The following ELP4 variants were observed in gnomAD, a reference collection of about 807,000 sequenced individuals.
ELP4 encodes the protein elongator complex protein 4.
In ELP4, 51 loss-of-function variants were observed where a neutral mutation model predicts 48.9. The observed-to-expected ratio is 1.04, with a 90% CI of 0.83 to 1.32. ELP4 has a LOEUF of 1.32. ELP4 is among the 40% of genes most tolerant of loss of function. The pLI is 0.00. For missense variants in ELP4, 519 were observed against 514.6 expected, an observed-to-expected ratio of 1.01 and a Z score of -0.08; for synonymous variants, 210 against 189.2, an observed-to-expected ratio of 1.11 and a Z score of -0.90.
intron 4 of ELP4, among the ~76,000 whole-genome samples, chr11:31,596,653 CA>C (rs1957675664): frequency 6.6e-6 from 1 of 152,118 alleles, no homozygotes; most frequent in South Asian, 2.1e-4. Context: ...GCATATTAAG[CA>C]ATGACATATT....
chr11:31,632,703 T>A, intron 7 of ELP4: 1 of 229,726 alleles, frequency 4.4e-6, no homozygotes, highest in Non-Finnish European at 8.4e-6. Context: ...TTTTCAATAT[T>A]GATGAAGTTT....
intron 2 of ELP4, among the ~76,000 whole-genome samples, chr11:31,530,579 A>G (rs907473335): frequency 6.6e-6 from 1 of 152,162 alleles, no homozygotes; most frequent in Non-Finnish European, 1.5e-5. Flanking sequence ...GTCTTGGTGG[A>G]GTGATGATAC....
intron 3 of ELP4, among the ~76,000 whole-genome samples, chr11:31,556,259 A>G (rs1956928355): frequency 6.6e-6 from 1 of 152,052 alleles, no homozygotes; most frequent in African/African-American, 2.4e-5. Flanking sequence ...TGATGTTATT[A>G]AAGCTTTTAA....
intron 3 of ELP4, among the ~76,000 whole-genome samples, chr11:31,577,807 C>A (rs149964866): frequency 6.6e-5 from 10 of 151,904 alleles, no homozygotes; most frequent in South Asian, 2.1e-4. Context: ...AAATAATAAG[C>A]GCTATTTATG....
At chr11:31,750,126 A>C in intron 9 of ELP4, among the ~76,000 whole-genome samples, 1 of 152,078 alleles carries the variant, frequency 6.6e-6, no homozygotes, top group East Asian at 1.9e-4. Flanking sequence ...GGCCTCCCAA[A>C]GTGCTGGGAC....
intron 9 of ELP4, among the ~76,000 whole-genome samples, chr11:31,718,683 G>C (rs1345819473): frequency 3.3e-5 from 5 of 152,192 alleles, no homozygotes; most frequent in African/African-American, 1.2e-4. Flanking sequence ...ATGTGACCTG[G>C]ACTTCCTCAC....
At chr11:31,745,771 C>A (rs917189815) in intron 9 of ELP4, among the ~76,000 whole-genome samples, 4 of 152,184 alleles carry the variant, frequency 2.6e-5, no homozygotes, top group African/African-American at 9.7e-5. Flanking sequence ...AATGTTAGAT[C>A]TAAAACCACA....
intron 9 of ELP4, among the ~76,000 whole-genome samples, chr11:31,665,201 T>TTTA (rs1175352769): frequency 6.6e-6 from 1 of 152,136 alleles, no homozygotes; most frequent in African/African-American, 2.4e-5. Flanking sequence ...TACTTGACAG[T>TTTA]TTACCTCTTC....
At chr11:31,744,705 A>C (rs1592274451) in intron 9 of ELP4, among the ~76,000 whole-genome samples, 1 of 152,050 alleles carries the variant, frequency 6.6e-6, no homozygotes, top group African/African-American at 2.4e-5. Context: ...CATGCTAAAA[A>C]CTCTCAATAA....
At chr11:31,519,432 A>C (rs1326817147) in intron 1 of ELP4, among the ~76,000 whole-genome samples, 1 of 152,208 alleles carries the variant, frequency 6.6e-6, no homozygotes, top group Non-Finnish European at 1.5e-5. Context: ...ACAAGTGCTA[A>C]ATATAACATT....
intron 9 of ELP4, among the ~76,000 whole-genome samples, chr11:31,722,721 C>CTT (rs34168331): frequency 0.62 from 92,505 of 148,950 alleles, 30,189 homozygotes; most frequent in African/African-American, 0.85. Flanking sequence ...CTCTCTCTCT[C>CTT]TCTCTTTCTC....
At chr11:31,714,670 C>T in intron 9 of ELP4, 1 of 398,578 alleles carries the variant, frequency 2.5e-6, no homozygotes, top group East Asian at 3.6e-5. Flanking sequence ...TACGTTCCTC[C>T]TGGATGGTCC....
At chr11:31,593,339 A>T (rs1440689510) in intron 3 of ELP4, among the ~76,000 whole-genome samples, 1 of 151,676 alleles carries the variant, frequency 6.6e-6, no homozygotes, top group African/African-American at 2.4e-5. Flanking sequence ...TTTAGCCTCA[A>T]CCTCCTGGGC....
chr11:31,705,467 T>C (rs1319474578), intron 9 of ELP4, among the ~76,000 whole-genome samples: 4 of 152,370 alleles, frequency 2.6e-5, no homozygotes, highest in South Asian at 4.1e-4. Context: ...AATGTACTTA[T>C]GTTTAATTGC....
intron 1 of ELP4, among the ~76,000 whole-genome samples, chr11:31,514,501 T>C (rs1478934093): frequency 6.6e-6 from 1 of 152,174 alleles, no homozygotes; most frequent in Non-Finnish European, 1.5e-5. Flanking sequence ...GAAAGTGTGT[T>C]GGTAATTTTT....
chr11:31,646,422 ATGTT>A (rs1945200085), intron 7 of ELP4: 1 of 151,742 alleles, frequency 6.6e-6, no homozygotes, highest in African/African-American at 2.4e-5. Flanking sequence ...TTTCAACAGA[ATGTT>A]TGGTGACACA....
chr11:31,641,667 A>C (rs1176743325), intron 7 of ELP4, among the ~76,000 whole-genome samples: 2 of 151,888 alleles, frequency 1.3e-5, no homozygotes, highest in African/African-American at 4.8e-5. Flanking sequence ...TTGCCAGCAG[A>C]GGGAGTAGTT....
intron 3 of ELP4, among the ~76,000 whole-genome samples, chr11:31,547,795 A>C (rs1015622739): frequency 5.3e-5 from 8 of 152,226 alleles, no homozygotes; most frequent in Admixed American, 5.2e-4. Context: ...ACCACGATCA[A>C]GTGGACTTCA....
At chr11:31,532,917 G>A (rs780972677) in intron 2 of ELP4, among the ~76,000 whole-genome samples, 4 of 151,404 alleles carry the variant, frequency 2.6e-5, no homozygotes, top group African/African-American at 7.3e-5. Context: ...GATTACAGGC[G>A]TGCACCACCA....
Sources: allele counts gnomAD v4.1 joint callset (sites outside exome capture counted in the v4.1 genomes callset), GRCh38; gene constraint gnomAD v4.1.1; transcripts MANE v1.5; gene names NCBI Gene and HGNC (gene_info 2026-07-23, HGNC 2026-07-21).